The following GSS variants were observed in gnomAD, a reference collection of about 807,000 sequenced individuals.
GSS encodes GSH synthetase.
GSS carries 34 observed loss-of-function variants against 60.4 expected under a neutral mutation model. The ratio of observed to expected loss-of-function variants is 0.56; its 90% confidence interval spans 0.43 to 0.75. The LOEUF is 0.75. GSS is among the 30% of genes least tolerant of loss of function. The pLI is 0.00. For missense variants in GSS, 499 were observed against 595.1 expected (o/e 0.84, Z 1.68); for synonymous variants, 224 against 239.0 (o/e 0.94, Z 0.58).
chr20:34,936,864 G>C, intron 7 of GSS, 24 bp from the exon 8 acceptor site: 1 of 1,610,912 alleles, frequency 6.2e-7, no homozygotes, highest in Non-Finnish European at 8.5e-7. Context: ...GCAAGAGCCA[G>C]AGGGAATGGA....
chr20:34,929,634 C>T, intron 11 of GSS, 44 bp from the exon 12 acceptor site: 6 of 1,542,802 alleles, frequency 3.9e-6, no homozygotes, highest in Non-Finnish European at 4.5e-6. Flanking sequence ...CTGCCTACCT[C>T]CTCCATCCCA....
chr20:34,932,214 C>G, intron 9 of GSS, 81 bp from the exon 10 acceptor site: 1 of 1,074,462 alleles, frequency 9.3e-7, no homozygotes, highest in Non-Finnish European at 1.5e-6. Context: ...CATTAGGTGC[C>G]AGGTATCATG....
intron 9 of GSS, 77 bp downstream of exon 9, chr20:34,935,499 T>C: frequency 1.0e-6 from 1 of 986,512 alleles, no homozygotes; most frequent in Non-Finnish European, 1.6e-6. Context: ...CCCAGGTTGT[T>C]ATAAGCCTGA....
chr20:34,939,676 T>G (rs915262267), intron 6 of GSS, among the ~76,000 whole-genome samples: 35 of 151,014 alleles, frequency 2.3e-4, no homozygotes, highest in African/African-American at 3.4e-4. Flanking sequence ...GTTTTTTGTT[T>G]TTTTTTTTTT....
Position 34,931,319 on chromosome 20 carries a change from A to C in GSS, c.1111+17T>G. 6.3e-7 allele frequency: 1 copy of C among 1,598,164 alleles called. No homozygotes were observed. On this transcript the variant is annotated intron_variant, in intron 11 of 12. Coordinates refer to ENST00000651619, the MANE Select transcript of GSS (RefSeq NM_000178.4). Reference sequence around the variant, plus strand: ...GTCCCTCTCATTGAGGAGCCCTGCAAAGGGAGATCCACCTACCTCCACCCT... The same window carrying C: ...GTCCCTCTCATTGAGGAGCCCTGCACAGGGAGATCCACCTACCTCCACCCT...
intron 2 of GSS, chr20:34,950,067 T>C (rs540406757): frequency 3.6e-5 from 4 of 110,596 alleles, no homozygotes; most frequent in African/African-American, 9.6e-5. Flanking sequence ...TGACTTTTTT[T>C]CTGGATTAGA....
intron 10 of GSS, 60 bp from the exon 11 acceptor site, chr20:34,931,477 G>C (rs982934991): frequency 1.5e-6 from 2 of 1,324,748 alleles, no homozygotes; most frequent in African/African-American, 2.9e-5. Flanking sequence ...AAGAAGCTTA[G>C]GTCCAGCTGG....
chr20:34,932,180 G>A (rs1256571158), intron 9 of GSS, 47 bp from the exon 10 acceptor site: 1 of 1,475,174 alleles, frequency 6.8e-7, no homozygotes. Flanking sequence ...TTTTACTTCA[G>A]CTGACGTTTA....
chr20:34,940,970 G>C (rs568929090), intron 6 of GSS, among the ~76,000 whole-genome samples: 35 of 152,298 alleles, frequency 2.3e-4, no homozygotes, highest in African/African-American at 8.2e-4. Context: ...GGAGGCATGG[G>C]CATGGGGGGT....
At chr20:34,952,607 T>G (rs2081578398) in intron 1 of GSS, 1 of 152,810 alleles carries the variant, frequency 6.5e-6, no homozygotes, top group African/African-American at 2.4e-5. Context: ...GGCTAATTTT[T>G]TGTATTTTAG....
intron 12 of GSS, 25 bp from the exon 13 acceptor site, chr20:34,928,976 C>G: frequency 6.2e-7 from 1 of 1,612,486 alleles, no homozygotes; most frequent in African/African-American, 1.3e-5. Context: ...GCAGGGGACA[C>G]ACATCACCTG....
Position 34,941,970 on chromosome 20 carries a change from C to A in GSS, c.492-141G>T, listed in dbSNP as rs1312322954. ...CCTCCCATCACATTCCTGTAAGATCCACTTCAGGTTGGAATATGCTGGGCT... is the reference window on the plus strand; with the variant it reads ...CCTCCCATCACATTCCTGTAAGATCAACTTCAGGTTGGAATATGCTGGGCT... On this transcript the variant is annotated intron_variant, in intron 5 of 12. Coordinates refer to ENST00000651619, the MANE Select transcript of GSS (RefSeq NM_000178.4). The A allele has an allele frequency of 5.6e-5, 40 of 717,958 alleles. No individual in the cohort carries two copies. The East Asian group carries it at 1.0e-3, about 18-fold the overall frequency. The allele number at this position is 717,958 out of a possible 1,614,324, so 44.5% of individuals were successfully genotyped here.
rs571075979 is a variant in GSS, at chr20:34,945,931, C to T, written c.275+22G>A. On this transcript the variant is annotated intron_variant, in intron 3 of 12. Transcript: ENST00000651619. ...CTTGGCTCTGGCAGCTCCTGGCCCC[C>T]CAATGCTTCACTGTCCCCTACCTGG... 20 of 1,613,318 alleles carry T rather than the reference C, an allele frequency of 1.2e-5. No homozygotes were observed. The Admixed American group carries it at 2.0e-4, about 16-fold the overall frequency.
At chr20:34,943,577 G>T (rs1488917307) in intron 3 of GSS, among the ~76,000 whole-genome samples, 1 of 152,042 alleles carries the variant, frequency 6.6e-6, no homozygotes, top group East Asian at 1.9e-4. Flanking sequence ...AAATATCCTG[G>T]GTTTTTTTTG....
At chr20:34,936,101 T>G (rs1320172625) in intron 8 of GSS, among the ~76,000 whole-genome samples, 2 of 152,254 alleles carry the variant, frequency 1.3e-5, no homozygotes, top group Non-Finnish European at 2.9e-5. Flanking sequence ...ATGAGTCTGA[T>G]TAAGACACAG....
In GSS at chr20:34,942,916, G is replaced by A; in HGVS notation, c.351+15C>T. The A allele has an allele frequency of 6.4e-7, 1 of 1,555,190 alleles. No individual in the cohort carries two copies. On this transcript the variant is annotated intron_variant, in intron 4 of 12. Transcript: ENST00000651619. ...GGGACAGGTTACAGACTGGAGTAGG[G>A]CTGGGAATGGTTACCTGGGCAATGC...
At chr20:34,949,331 A>C (rs2081547955) in intron 2 of GSS, 1 of 152,158 alleles carries the variant, frequency 6.6e-6, no homozygotes, top group South Asian at 2.1e-4. Context: ...TCCACCCAGT[A>C]GCTAAGGCCC....
chr20:34,936,669 T>C (rs999960029), intron 8 of GSS, 94 bp downstream of exon 8: 4 of 962,550 alleles, frequency 4.2e-6, no homozygotes, highest in Non-Finnish European at 6.8e-6. Flanking sequence ...AAGCAAGCCA[T>C]CACATCTCCC....
chr20:34,928,564 G>A lies in GSS; in HGVS notation c.*264C>T, dbSNP rs770673673. Reference sequence around the variant, plus strand: ...CTGCTGAAAAGGCTGATGAGGGGCTGACAGGAGTGGGGCAGGGTTCATGGA... The same window carrying A: ...CTGCTGAAAAGGCTGATGAGGGGCTAACAGGAGTGGGGCAGGGTTCATGGA... On this transcript the variant is annotated 3_prime_UTR_variant, in exon 13 of 13. Transcript: ENST00000651619. The A allele has an allele frequency of 1.3e-5, 7 of 547,368 alleles. No individual in the cohort carries two copies. The highest frequency in any genetic ancestry group is 2.0e-5 in the Non-Finnish European group (6 of 303,610). The allele number at this position is 547,368 out of a possible 1,614,324, so 33.9% of individuals were successfully genotyped here. A position where few individuals can be genotyped will look rare whatever the true frequency, so the allele number is the denominator to read the frequency against.
Sources: allele counts gnomAD v4.1 joint callset (sites outside exome capture counted in the v4.1 genomes callset), GRCh38; gene constraint gnomAD v4.1.1; transcripts MANE v1.5; gene names NCBI Gene and HGNC (gene_info 2026-07-23, HGNC 2026-07-21).